The following LHFPL5 variants were observed in gnomAD, a reference collection of about 807,000 sequenced individuals.
LHFPL5 encodes LHFPL tetraspan subfamily member 5 protein.
LHFPL5 carries 12 observed loss-of-function variants against 18.7 expected under a neutral mutation model. That is an observed-to-expected ratio of 0.64 (90% CI 0.41 to 1.04). The LOEUF is 1.04. Among genes scored for constraint, LHFPL5 ranks in the 50% least tolerant of loss-of-function variants. The pLI is 0.00. For synonymous variants in LHFPL5, 111 were observed against 120.2 expected, an observed-to-expected ratio of 0.92 and a Z score of 0.50; for missense variants, 259 against 292.1, an observed-to-expected ratio of 0.89 and a Z score of 0.83.
chr6:35,818,347 ATGTATTTTT>A (rs1300006057), intron 2 of LHFPL5, among the ~76,000 whole-genome samples: 5 of 5,094 alleles, frequency 9.8e-4, no homozygotes, highest in African/African-American at 2.3e-3. Flanking sequence ...ATATATATAT[ATGTATTTTT>A]TTTTTTTTTT....
At chr6:35,822,062 T>A (rs1429281270) in intron 3 of LHFPL5, among the ~76,000 whole-genome samples, 1 of 151,698 alleles carries the variant, frequency 6.6e-6, no homozygotes, top group Non-Finnish European at 1.5e-5. Context: ...TTTTTTTGTT[T>A]GTTTGTTGAA....
Position 35,814,875 on chromosome 6 carries a change from C to A in LHFPL5, c.649+93C>A. Reference sequence around the variant, plus strand: ...TAGCCAGTCCTCTAAGGCTTGGTCCCTGGCCAAGGGATGGGGACACCAAGA... The same window carrying A: ...TAGCCAGTCCTCTAAGGCTTGGTCCATGGCCAAGGGATGGGGACACCAAGA... On this transcript the variant is annotated intron_variant, in intron 2 of 3. Coordinates refer to ENST00000360215, the MANE Select transcript of LHFPL5 (RefSeq NM_182548.4). This position sits in a 1 kb window ranked among gnomAD's most constrained non-coding sequence, Gnocchi z 4.2. 1 of 1,157,774 alleles carries A rather than the reference C, an allele frequency of 8.6e-7. No individual in the cohort carries two copies. The highest frequency in any genetic ancestry group is 1.3e-6 in the Non-Finnish European group (1 of 767,030). The allele number at this position is 1,157,774 out of a possible 1,614,324, so 71.7% of individuals were successfully genotyped here. A position where few individuals can be genotyped will look rare whatever the true frequency, so the allele number is the denominator to read the frequency against.
rs1189836511 is a variant in LHFPL5, at chr6:35,814,146, A to T, written c.413-400A>T. Among the ~76,000 whole-genome samples the T allele has an allele frequency of 6.6e-6, 1 of 152,180 alleles. No individual in the cohort carries two copies. Among genetic ancestry groups the T allele is most frequent in the Non-Finnish European group, 1.5e-5 (1 of 68,016 alleles). Reference sequence around the variant, plus strand: ...TTCACAGATGTTGTAAGTACGAAGAAATGTACATCTCAGCAGTGATGAGTT... The same window carrying T: ...TTCACAGATGTTGTAAGTACGAAGATATGTACATCTCAGCAGTGATGAGTT... On this transcript the variant is annotated intron_variant, in intron 1 of 3. Coordinates refer to ENST00000360215, the MANE Select transcript of LHFPL5 (RefSeq NM_182548.4). The surrounding 1 kb of genome is among the most constrained non-coding windows in gnomAD (Gnocchi z 4.2).
intron 1 of LHFPL5, among the ~76,000 whole-genome samples, chr6:35,810,015 G>C (rs565284014): frequency 2.3e-4 from 35 of 152,210 alleles, no homozygotes; most frequent in Non-Finnish European, 5.0e-4. Context: ...CAAATTTGCT[G>C]TTCCAGCTAT....
At chr6:35,818,833 A>AT (rs201047446) in intron 2 of LHFPL5, among the ~76,000 whole-genome samples, 13 of 146,442 alleles carry the variant, frequency 8.9e-5, no homozygotes, top group African/African-American at 2.5e-4. Flanking sequence ...CATATTCACT[A>AT]TTTTTTTTCC....
At chr6:35,818,458 A>G (rs1768810191) in intron 2 of LHFPL5, among the ~76,000 whole-genome samples, 1 of 147,872 alleles carries the variant, frequency 6.8e-6, no homozygotes, top group South Asian at 2.1e-4. Flanking sequence ...TCCTGGGCTC[A>G]AGTGATCCTC....
chr6:35,818,351 A>ATATTTTTTTTTTTTTTTTT (rs1768805129), intron 2 of LHFPL5, among the ~76,000 whole-genome samples: 2 of 106,926 alleles, frequency 1.9e-5, no homozygotes, highest in African/African-American at 3.8e-5. Context: ...ATATATATGT[A>ATATTTTTTTTTTTTTTTTT]TTTTTTTTTT....
chr6:35,819,504 A>G, intron 3 of LHFPL5, 41 bp downstream of exon 3: 1 of 1,588,746 alleles, frequency 6.3e-7, no homozygotes, highest in Non-Finnish European at 8.6e-7. Context: ...TGCCCTTAGA[A>G]AGGCTGGGGC....
At chr6:35,806,420 T>G (rs1487412861) in intron 1 of LHFPL5, among the ~76,000 whole-genome samples, 1 of 148,494 alleles carries the variant, frequency 6.7e-6, no homozygotes, top group Non-Finnish European at 1.5e-5. Flanking sequence ...ATCACATCAG[T>G]TTTTGCAGCT....
rs1297092624 is a variant in LHFPL5, at chr6:35,806,032, G to C, written c.362G>C (p.Cys121Ser). 1 of 1,614,190 alleles carries C rather than the reference G, an allele frequency of 6.2e-7. No homozygotes were observed. Among genetic ancestry groups the C allele is most frequent in the Admixed American group, 1.7e-5 (1 of 60,026 alleles). Reference sequence around the variant, plus strand: ...ATCTGCTTCAGCCTGTTCTTCATCTGCAACACGGCCACAGTCTATAAGATC... The same window carrying C: ...ATCTGCTTCAGCCTGTTCTTCATCTCCAACACGGCCACAGTCTATAAGATC... ...SIICFSLFFI[C>S]NTATVYKICA... Residue 121 changes from cysteine (C) to serine (S), a missense_variant, in exon 1 of 4, where the codon TGC becomes TCC. Physicochemically the swap from Cys to Ser is moderately radical, Grantham distance 112. Transcript: ENST00000360215.
intron 1 of LHFPL5, chr6:35,811,184 A>G (rs1768659462): frequency 2.0e-5 from 3 of 152,210 alleles, no homozygotes; most frequent in Non-Finnish European, 2.9e-5. Flanking sequence ...TAACCTCAAG[A>G]GAGCGGAGCA....
chr6:35,819,399 C>T, intron 2 of LHFPL5, 38 bp from the exon 3 acceptor site: 7 of 1,609,660 alleles, frequency 4.3e-6, no homozygotes, highest in Non-Finnish European at 6.0e-6. Context: ...AAAAACGAGA[C>T]TTGGTAGTAA....
rs766409391 is a variant in LHFPL5 at position 35,818,351 on chromosome 6, ATTTTTTTTTTTTT to A, written c.650-1073_650-1061del. ...TATATATATATATATATATATATGTATTTTTTTTTTTTTTTTTTTTTTTTTGAGACAGATTCTG... is the reference window on the plus strand; with the variant it reads ...TATATATATATATATATATATATGTATTTTTTTTTTTTGAGACAGATTCTG... On this transcript the variant is annotated intron_variant, in intron 2 of 3. Transcript: ENST00000360215. Among the ~76,000 whole-genome samples, 6 of 106,926 alleles carry A rather than the reference ATTTTTTTTTTTTT, an allele frequency of 5.6e-5. 1 individual carries two copies. The Admixed American group carries it at 6.3e-4, about 11-fold the overall frequency. 70.1% of individuals were successfully genotyped at this position (106,926 alleles called of 152,430 possible). A position where few individuals can be genotyped will look rare whatever the true frequency, so the allele number is the denominator to read the frequency against.
chr6:35,814,610 C>T lies in LHFPL5; in HGVS notation c.477C>T (p.Arg159=). 3.1e-6 allele frequency: 5 copies of T among 1,614,190 alleles called. No homozygotes were observed. Among genetic ancestry groups the T allele is most frequent in the Non-Finnish European group, 3.4e-6 (4 of 1,180,034 alleles). The change falls in exon 2 of 4, where the codon CGC becomes CGT. Residue 159 remains arginine (R), a synonymous_variant. Transcript: ENST00000360215. This position sits in a 1 kb window ranked among gnomAD's most constrained non-coding sequence, Gnocchi z 4.2. ...GTTGGGACTCAAGTGAGGTGCGGCG[C>T]ATGTGTGGGGAGCAGACGGGCAAGT... ...PDGWDSSEVR[R]MCGEQTGKYT...
intron 1 of LHFPL5, among the ~76,000 whole-genome samples, chr6:35,811,975 C>T (rs1768671932): frequency 6.6e-6 from 1 of 152,204 alleles, no homozygotes; most frequent in African/African-American, 2.4e-5. Flanking sequence ...GAATGGAGAA[C>T]TCAGGCCTTG....
intron 1 of LHFPL5, among the ~76,000 whole-genome samples, chr6:35,812,980 G>A (rs1159407859): frequency 2.6e-5 from 4 of 152,022 alleles, no homozygotes; most frequent in Non-Finnish European, 5.9e-5. Context: ...ACTTGAATCC[G>A]GGAGGCGGGT....
intron 2 of LHFPL5, among the ~76,000 whole-genome samples, chr6:35,818,541 T>C (rs1395979823): frequency 6.6e-6 from 1 of 151,520 alleles, no homozygotes; most frequent in Admixed American, 6.6e-5. Context: ...AAAATTTTTT[T>C]TGTAGAGACG....
chr6:35,813,538 C>T (rs1046399280), intron 1 of LHFPL5, among the ~76,000 whole-genome samples: 1 of 151,996 alleles, frequency 6.6e-6, no homozygotes, highest in Non-Finnish European at 1.5e-5. Flanking sequence ...CCACCGCACC[C>T]GGCCTCCAGG....
At chr6:35,816,492 T>C (rs1215745784) in intron 2 of LHFPL5, among the ~76,000 whole-genome samples, 1 of 151,966 alleles carries the variant, frequency 6.6e-6, no homozygotes, top group African/African-American at 2.4e-5. Context: ...CCGGATCCCT[T>C]GAGGATTCTA....
Sources: gnomAD v4.1 joint callset for allele counts (sites outside exome capture counted in the v4.1 genomes callset) on GRCh38, gnomAD v4.1.1 for gene constraint, Gnocchi (gnomAD v3.1) non-coding constraint, MANE v1.5 for transcripts, NCBI Gene and HGNC (gene_info 2026-07-23, HGNC 2026-07-21) for gene names.